Variants in SCFD2 observed in about 807,000 individuals in gnomAD.
SCFD2 encodes sec1 family domain-containing protein 2.
In SCFD2, 54 loss-of-function variants were observed where a neutral mutation model predicts 58.9. The observed-to-expected ratio is 0.92, with a 90% CI of 0.74 to 1.15. The LOEUF (loss-of-function observed/expected upper bound fraction) is 1.15. Ranked by LOEUF, SCFD2 falls within the 50% of genes most tolerant of loss-of-function variation. SCFD2 has a pLI of 0.00. For synonymous variants in SCFD2, 321 were observed against 335.9 expected, an observed-to-expected ratio of 0.96 and a Z score of 0.49; for missense variants, 805 against 836.6, an observed-to-expected ratio of 0.96 and a Z score of 0.47.
chr4:53,187,277 G>A (rs1302537060), intron 4 of SCFD2, among the ~76,000 whole-genome samples: 1 of 152,052 alleles, frequency 6.6e-6, no homozygotes, highest in Non-Finnish European at 1.5e-5. Context: ...TATTGACAAT[G>A]CTGTGAAGCA....
intron 5 of SCFD2, among the ~76,000 whole-genome samples, chr4:53,032,782 T>C (rs1045042897): frequency 6.6e-6 from 1 of 152,152 alleles, no homozygotes; most frequent in Non-Finnish European, 1.5e-5. Context: ...ATCCTTAATA[T>C]ATATGCACCC....
intron 4 of SCFD2, among the ~76,000 whole-genome samples, chr4:53,206,980 G>A (rs1728424247): frequency 6.6e-6 from 1 of 152,016 alleles, no homozygotes; most frequent in Non-Finnish European, 1.5e-5. Flanking sequence ...AAGTCCAAGA[G>A]CATGGTTCCA....
chr4:53,248,355 C>T (rs1048930689), intron 4 of SCFD2, among the ~76,000 whole-genome samples: 12 of 152,184 alleles, frequency 7.9e-5, no homozygotes, highest in South Asian at 2.1e-4. Context: ...GAGGGGCGCC[C>T]GCCATTGCTC....
At chr4:53,127,255 C>T (rs1725654578) in intron 5 of SCFD2, among the ~76,000 whole-genome samples, 1 of 152,176 alleles carries the variant, frequency 6.6e-6, no homozygotes, top group African/African-American at 2.4e-5. Context: ...CTTCTTCAAC[C>T]AAACTTTCTA....
chr4:52,894,084 C>G (rs566571071), intron 7 of SCFD2, among the ~76,000 whole-genome samples: 5 of 152,284 alleles, frequency 3.3e-5, no homozygotes, highest in African/African-American at 1.2e-4. Context: ...CTTTGTGGTC[C>G]TCTTTTTGTT....
At chr4:52,897,314 A>G (rs986497461) in intron 7 of SCFD2, among the ~76,000 whole-genome samples, 8 of 152,178 alleles carry the variant, frequency 5.3e-5, no homozygotes, top group African/African-American at 1.9e-4. Context: ...AGCTCTTATT[A>G]TTTTGAGAAA....
intron 5 of SCFD2, among the ~76,000 whole-genome samples, chr4:53,001,855 C>T (rs951694126): frequency 6.6e-6 from 1 of 152,172 alleles, no homozygotes; most frequent in African/African-American, 2.4e-5. Flanking sequence ...ATTATTATGC[C>T]ATTTTACAGA....
chr4:52,977,073 T>C (rs1206292404), intron 5 of SCFD2, among the ~76,000 whole-genome samples: 1 of 152,116 alleles, frequency 6.6e-6, no homozygotes, highest in Admixed American at 6.6e-5. Flanking sequence ...CCTGTTATTA[T>C]TGTTACCCGT....
chr4:52,946,089 T>C (rs1352569223), intron 5 of SCFD2, among the ~76,000 whole-genome samples: 1 of 152,176 alleles, frequency 6.6e-6, no homozygotes, highest in Non-Finnish European at 1.5e-5. Context: ...TTGCAAAAAA[T>C]TGAGACAATA....
At chr4:53,177,507 A>G (rs1449181178) in intron 4 of SCFD2, among the ~76,000 whole-genome samples, 1 of 152,220 alleles carries the variant, frequency 6.6e-6, no homozygotes, top group East Asian at 1.9e-4. Context: ...AAAAAACAAT[A>G]AGAAATGAAA....
At chr4:52,897,617 T>G (rs1719057696) in intron 7 of SCFD2, among the ~76,000 whole-genome samples, 1 of 152,224 alleles carries the variant, frequency 6.6e-6, no homozygotes, top group South Asian at 2.1e-4. Flanking sequence ...TCTAAAATTC[T>G]CTTTTTTTGT....
intron 6 of SCFD2, among the ~76,000 whole-genome samples, chr4:52,915,878 G>T (rs1487578129): frequency 6.6e-6 from 1 of 152,218 alleles, no homozygotes; most frequent in Non-Finnish European, 1.5e-5. Flanking sequence ...AACAACTGGA[G>T]GCCAGGGCTG....
chr4:53,124,247 C>A (rs370957104), intron 5 of SCFD2, among the ~76,000 whole-genome samples: 1 of 152,156 alleles, frequency 6.6e-6, no homozygotes, highest in Non-Finnish European at 1.5e-5. Flanking sequence ...AAGTATTTGA[C>A]AAACAGACAC....
intron 2 of SCFD2, among the ~76,000 whole-genome samples, chr4:53,332,614 A>G (rs1733520837): frequency 6.6e-6 from 1 of 152,226 alleles, no homozygotes; most frequent in Admixed American, 6.5e-5. Flanking sequence ...AGTAAGAGCT[A>G]TCTATGACAA....
intron 5 of SCFD2, among the ~76,000 whole-genome samples, chr4:53,141,813 T>A (rs1726174512): frequency 2.6e-5 from 4 of 152,312 alleles, no homozygotes; most frequent in Non-Finnish European, 4.4e-5. Flanking sequence ...CCTGGAGTTC[T>A]GATGTCTAAG....
chr4:53,261,780 C>T (rs1002156550), intron 4 of SCFD2, among the ~76,000 whole-genome samples: 11 of 152,224 alleles, frequency 7.2e-5, no homozygotes, highest in African/African-American at 2.4e-4. Context: ...TCTTTGTTGG[C>T]TTTCTGTCTT....
intron 5 of SCFD2, among the ~76,000 whole-genome samples, chr4:53,132,155 T>A (rs1318073964): frequency 6.6e-6 from 1 of 152,252 alleles, no homozygotes; most frequent in Non-Finnish European, 1.5e-5. Flanking sequence ...GCTACCTCAA[T>A]AGGAAGCTCT....
At chr4:52,896,129 G>C (rs1408280607) in intron 7 of SCFD2, among the ~76,000 whole-genome samples, 1 of 152,044 alleles carries the variant, frequency 6.6e-6, no homozygotes, top group African/African-American at 2.4e-5. Context: ...TCACTCTGAT[G>C]GTAGTTTCTT....
Position 52,920,686 on chromosome 4 carries a change from C to T in SCFD2, c.1707+39G>A, listed in dbSNP as rs1479890236. The T allele has an allele frequency of 3.4e-6, 5 of 1,455,540 alleles. No homozygotes were observed. In the African/African-American group the frequency reaches 4.4e-5, roughly 13 times the overall value. The allele number at this position is 1,455,540 out of a possible 1,614,324, so 90.2% of individuals were successfully genotyped here. ...CTATAGACTCTGAATCCTAGAAGTA[C>T]AACAGATTAGAAGGTTACTTTAAAA... is the stretch of plus-strand genomic sequence containing the variant. On this transcript the variant is annotated intron_variant, in intron 6 of 8. Transcript: ENST00000401642.
Sources: gnomAD v4.1 joint callset for allele counts (sites outside exome capture counted in the v4.1 genomes callset) on GRCh38, gnomAD v4.1.1 for gene constraint, MANE v1.5 for transcripts, NCBI Gene and HGNC (gene_info 2026-07-23, HGNC 2026-07-21) for gene names.